The following EEFSEC variants were observed in gnomAD, a reference collection of about 807,000 sequenced individuals.
EEFSEC encodes the protein selenocysteine-specific elongation factor.
EEFSEC carries 43 observed loss-of-function variants against 42.1 expected under a neutral mutation model. That is an observed-to-expected ratio of 1.02 (90% confidence interval 0.80 to 1.32). The LOEUF is 1.32. Ranked by LOEUF, EEFSEC falls within the 40% of genes most tolerant of loss-of-function variation. The probability of loss-of-function intolerance (pLI) is 0.00; values close to 1 mark genes in which losing one functional copy is unlikely to be tolerated. For missense variants in EEFSEC, 745 were observed against 803.6 expected (o/e 0.93, Z 0.88); for synonymous variants, 354 against 339.1 (o/e 1.04, Z -0.48).
At chr3:128,177,583 C>G (rs915195679) in intron 1 of EEFSEC, among the ~76,000 whole-genome samples, 12 of 152,130 alleles carry the variant, frequency 7.9e-5, no homozygotes, top group Non-Finnish European at 1.5e-5. Flanking sequence ...TCTGAAATTT[C>G]TGGAAGCTTT....
chr3:128,421,736 C>T, the EEFSEC span, among the ~76,000 whole-genome samples: 8 of 152,172 alleles, frequency 5.3e-5, no homozygotes, highest in African/African-American at 1.9e-4. Context: ...TCACCATCGC[C>T]ACAGGACTGA....
chr3:128,319,276 G>T (rs554366108), intron 4 of EEFSEC, among the ~76,000 whole-genome samples: 1 of 152,146 alleles, frequency 6.6e-6, no homozygotes, highest in Admixed American at 6.5e-5. Flanking sequence ...CCTCACCAGG[G>T]GACAGCAGGC....
intron 2 of EEFSEC, among the ~76,000 whole-genome samples, chr3:128,257,596 C>T (rs572684773): frequency 6.6e-6 from 1 of 152,370 alleles, no homozygotes; most frequent in East Asian, 1.9e-4. Context: ...CCTAGTTTAA[C>T]ACCAGATTTT....
At chr3:128,352,121 G>A (rs1013860989) in intron 5 of EEFSEC, among the ~76,000 whole-genome samples, 2 of 152,214 alleles carry the variant, frequency 1.3e-5, no homozygotes, top group African/African-American at 2.4e-5. Flanking sequence ...ACACATGCAT[G>A]CACACACCTT....
intron 6 of EEFSEC, among the ~76,000 whole-genome samples, chr3:128,370,695 C>G (rs980334667): frequency 3.3e-5 from 5 of 152,252 alleles, no homozygotes; most frequent in African/African-American, 1.2e-4. Flanking sequence ...CTCCCTGTGA[C>G]CAGCATCAGA....
In EEFSEC at chr3:128,378,447, G is replaced by A. The variant is rs144054316; in HGVS notation, c.1600+20074G>A. ...GCCTGTGACCTCCCGCCTGGGACAGGAATCATGTTGGATCTGTGCACCACT... is the reference window on the plus strand; with the variant it reads ...GCCTGTGACCTCCCGCCTGGGACAGAAATCATGTTGGATCTGTGCACCACT... On this transcript the variant is annotated intron_variant, in intron 6 of 6. Transcript: ENST00000254730. 8.6e-3 allele frequency among the ~76,000 whole-genome samples: 1,315 copies of A among 152,284 alleles called. 9 individuals are homozygous for A. The highest frequency in any genetic ancestry group is 0.015 in the Non-Finnish European group (1,023 of 68,010).
At chr3:128,345,467 T>C (rs916573780) in intron 5 of EEFSEC, among the ~76,000 whole-genome samples, 1 of 152,190 alleles carries the variant, frequency 6.6e-6, no homozygotes, top group Non-Finnish European at 1.5e-5. Flanking sequence ...TATGCTCTTC[T>C]TTCCCCACCG....
chr3:128,185,363 A>G (rs2065454969), intron 1 of EEFSEC, among the ~76,000 whole-genome samples: 1 of 152,100 alleles, frequency 6.6e-6, no homozygotes, highest in African/African-American at 2.4e-5. Flanking sequence ...TAAGCAATAA[A>G]ACAGACTTTT....
intron 6 of EEFSEC, among the ~76,000 whole-genome samples, chr3:128,391,518 C>A (rs2067912805): frequency 6.6e-6 from 1 of 152,210 alleles, no homozygotes; most frequent in Non-Finnish European, 1.5e-5. Flanking sequence ...GCCCTCCAGG[C>A]CTGCTCAGGG....
intron 6 of EEFSEC, among the ~76,000 whole-genome samples, chr3:128,384,762 G>T (rs1242043646): frequency 2.6e-5 from 4 of 152,178 alleles, no homozygotes; most frequent in Non-Finnish European, 4.4e-5. Flanking sequence ...CCAAGCATTT[G>T]CTGGGCTAGT....
chr3:128,288,135 G>A (rs1235141832), intron 4 of EEFSEC, among the ~76,000 whole-genome samples: 1 of 152,046 alleles, frequency 6.6e-6, no homozygotes, highest in Admixed American at 6.5e-5. Flanking sequence ...CTTGACTTCT[G>A]TATTTCTTCT....
intron 4 of EEFSEC, among the ~76,000 whole-genome samples, chr3:128,320,260 A>G (rs1013150557): frequency 2.0e-5 from 3 of 152,218 alleles, no homozygotes; most frequent in Admixed American, 1.3e-4. Flanking sequence ...TCTTTTCTTG[A>G]TGCCAGTGCA....
chr3:128,365,236 T>C (rs1478304073), intron 6 of EEFSEC, among the ~76,000 whole-genome samples: 1 of 152,182 alleles, frequency 6.6e-6, no homozygotes, highest in Non-Finnish European at 1.5e-5. Flanking sequence ...GGGGGCTCCC[T>C]GAGTGGATGG....
chr3:128,372,090 A>T (rs1027378242), intron 6 of EEFSEC, among the ~76,000 whole-genome samples: 3 of 152,200 alleles, frequency 2.0e-5, no homozygotes, highest in Admixed American at 1.3e-4. Context: ...TTTTAGGGAA[A>T]ATTTGTATTT....
At chr3:128,406,810 C>A (rs2107641039) in intron 6 of EEFSEC, among the ~76,000 whole-genome samples, 2 of 150,288 alleles carry the variant, frequency 1.3e-5, no homozygotes, top group East Asian at 3.9e-4. Flanking sequence ...GAGACCCTGT[C>A]ACACACACAC....
intron 4 of EEFSEC, among the ~76,000 whole-genome samples, chr3:128,310,241 G>A (rs1172925017): frequency 3.3e-5 from 5 of 152,240 alleles, no homozygotes. Context: ...CACCTTAGTT[G>A]TGTATTTAAT....
intron 4 of EEFSEC, among the ~76,000 whole-genome samples, chr3:128,321,651 A>C (rs551492268): frequency 6.6e-6 from 1 of 152,194 alleles, no homozygotes; most frequent in Non-Finnish European, 1.5e-5. Flanking sequence ...TCCCCTGCCT[A>C]CTGTGCCCCT....
chr3:128,349,586 C>T (rs1162006368), intron 5 of EEFSEC, among the ~76,000 whole-genome samples: 8 of 152,180 alleles, frequency 5.3e-5, no homozygotes, highest in Admixed American at 2.0e-4. Flanking sequence ...ACTGTTACCA[C>T]GCCCCAGGAT....
chr3:128,271,839 C>T (rs941448194), intron 4 of EEFSEC, among the ~76,000 whole-genome samples: 16 of 152,188 alleles, frequency 1.1e-4, no homozygotes, highest in East Asian at 3.8e-4. Flanking sequence ...CTGTCCTGCT[C>T]ATCTGTCTGT....
Sources: gnomAD v4.1 joint callset for allele counts (sites outside exome capture counted in the v4.1 genomes callset) on GRCh38, gnomAD v4.1.1 for gene constraint, MANE v1.5 for transcripts, NCBI Gene and HGNC (gene_info 2026-07-23, HGNC 2026-07-21) for gene names.